The following IGF2BP3 variants were observed in gnomAD, a reference collection of about 807,000 sequenced individuals.
IGF2BP3 encodes insulin like growth factor 2 mRNA binding protein 3.
Under a neutral mutation model 73.8 loss-of-function variants are expected in IGF2BP3, and 9 were observed. The ratio of observed to expected loss-of-function variants is 0.12; its 90% CI spans 0.07 to 0.21. The LOEUF (loss-of-function observed/expected upper bound fraction) is 0.21, where lower values mean the gene tolerates loss of function less well. Ranked by LOEUF, IGF2BP3 falls within the 10% of genes least tolerant of loss-of-function variation. The probability of loss-of-function intolerance (pLI) is 1.00; values close to 1 mark genes in which losing one functional copy is unlikely to be tolerated. For missense variants in IGF2BP3, 542 were observed against 714.0 expected, an observed-to-expected ratio of 0.76 and a Z score of 2.75; for synonymous variants, 258 against 256.7, an observed-to-expected ratio of 1.01 and a Z score of -0.05.
rs527357298 is a variant in IGF2BP3, at chr7:23,445,602, T to C, written c.236+22880A>G. 9.2e-5 allele frequency among the ~76,000 whole-genome samples: 14 copies of C among 152,320 alleles called. 1 individual carries two copies. In the South Asian group the frequency reaches 2.9e-3, roughly 32 times the overall value. ...ATTAGATTTGTTTCGGTATGTACAT[T>C]ATTCATCAAGAGACCTAAGAATAAA... On this transcript the variant is annotated intron_variant, in intron 2 of 14. Coordinates refer to ENST00000258729, the MANE Select transcript of IGF2BP3 (RefSeq NM_006547.3).
chr7:23,319,355 A>G, intron 10 of IGF2BP3, 101 bp from the exon 11 acceptor site: 1 of 720,792 alleles, frequency 1.4e-6, no homozygotes, highest in Non-Finnish European at 2.4e-6. Flanking sequence ...CAGTAGGAAT[A>G]CCAGGAAAGT....
Position 23,469,161 on chromosome 7 carries a change from G to A in IGF2BP3, c.176-619C>T, listed in dbSNP as rs1043188988. ...AAGCCGAAAGGCACGGGGCTCCCAT[G>A]GGGACCCCAACGCAGCCTTCCCCCT... On this transcript the variant is annotated intron_variant, in intron 1 of 14. Coordinates refer to ENST00000258729, the MANE Select transcript of IGF2BP3 (RefSeq NM_006547.3). The surrounding 1 kb of genome is among the most constrained non-coding windows in gnomAD (Gnocchi z 6.1). 1 of 153,984 alleles carries A rather than the reference G, an allele frequency of 6.5e-6. No homozygotes were observed. The highest frequency in any genetic ancestry group is 2.4e-5 in the African/African-American group (1 of 41,470). The allele number at this position is 153,984 out of a possible 1,614,324, so 9.5% of individuals were successfully genotyped here.
chr7:23,333,583 G>A (rs1784494504), intron 10 of IGF2BP3, among the ~76,000 whole-genome samples: 1 of 152,204 alleles, frequency 6.6e-6, no homozygotes, highest in Non-Finnish European at 1.5e-5. Flanking sequence ...AAAAGGAATA[G>A]TGGCCAGTAG....
chr7:23,402,571 C>T (rs1026623671), intron 3 of IGF2BP3: 1 of 151,996 alleles, frequency 6.6e-6, no homozygotes, highest in Non-Finnish European at 1.5e-5. Flanking sequence ...AGGAACATAC[C>T]GTCATTTTGG....
intron 2 of IGF2BP3, among the ~76,000 whole-genome samples, chr7:23,467,474 C>A (rs899277718): frequency 6.6e-6 from 1 of 152,188 alleles, no homozygotes; most frequent in African/African-American, 2.4e-5. Context: ...AACCCTAACC[C>A]CACCATGCAA....
At chr7:23,385,443 T>C (rs1786052045) in intron 3 of IGF2BP3, among the ~76,000 whole-genome samples, 1 of 152,272 alleles carries the variant, frequency 6.6e-6, no homozygotes, top group East Asian at 1.9e-4. Context: ...GTATGAGACA[T>C]AGCCTGGACA....
intron 3 of IGF2BP3, chr7:23,402,407 C>T (rs944707276): frequency 6.6e-6 from 1 of 152,148 alleles, no homozygotes; most frequent in African/African-American, 2.4e-5. Context: ...AAAGAGACTG[C>T]TGATGGTAAA....
intron 3 of IGF2BP3, chr7:23,396,470 C>T (rs1010413425): frequency 1.1e-5 from 2 of 184,236 alleles, no homozygotes; most frequent in Non-Finnish European, 2.4e-5. Context: ...CCCAAAATAG[C>T]TGGAATTACT....
At chr7:23,464,381 T>A (rs2128552287) in intron 2 of IGF2BP3, among the ~76,000 whole-genome samples, 1 of 152,370 alleles carries the variant, frequency 6.6e-6, no homozygotes, top group Middle Eastern at 3.4e-3. Flanking sequence ...ACATAAAATT[T>A]ACCATCTTAA....
At chr7:23,337,115 C>G (rs555982884) in intron 10 of IGF2BP3, among the ~76,000 whole-genome samples, 59 of 152,272 alleles carry the variant, frequency 3.9e-4, no homozygotes, top group African/African-American at 1.1e-3. Context: ...AGAACAAAGT[C>G]TAAAAATAGT....
chr7:23,380,157 CTTTTTT>C (rs10571084), intron 3 of IGF2BP3, among the ~76,000 whole-genome samples: 5 of 71,800 alleles, frequency 7.0e-5, no homozygotes, highest in Non-Finnish European at 7.6e-5. Context: ...CACTATGCCT[CTTTTTT>C]TTTTTTTTTT....
intron 2 of IGF2BP3, among the ~76,000 whole-genome samples, chr7:23,460,093 C>A (rs925198644): frequency 8.0e-6 from 1 of 125,572 alleles, no homozygotes; most frequent in Non-Finnish European, 1.7e-5. Flanking sequence ...ATTAGCCAGA[C>A]GAGGAGGCAT....
chr7:23,403,759 A>G (rs1786741155), intron 3 of IGF2BP3, among the ~76,000 whole-genome samples: 1 of 152,182 alleles, frequency 6.6e-6, no homozygotes, highest in Non-Finnish European at 1.5e-5. Flanking sequence ...GTTTTTAAAA[A>G]TAAGAATAGC....
At chr7:23,437,181 GTAT>G (rs1386584086) in intron 2 of IGF2BP3, among the ~76,000 whole-genome samples, 2 of 151,512 alleles carry the variant, frequency 1.3e-5, no homozygotes, top group East Asian at 3.9e-4. Flanking sequence ...ATAACTTAAT[GTAT>G]ATTAATAAAA....
At chr7:23,343,926 C>T (rs369665991) in intron 8 of IGF2BP3, 73 bp from the exon 9 acceptor site, 13 of 1,503,502 alleles carry the variant, frequency 8.6e-6, no homozygotes, top group East Asian at 2.3e-5. Flanking sequence ...CAGCCACAGA[C>T]GGCAATTAAA....
intron 12 of IGF2BP3, among the ~76,000 whole-genome samples, chr7:23,313,964 G>A (rs377133106): frequency 7.2e-5 from 11 of 152,172 alleles, no homozygotes; most frequent in Non-Finnish European, 8.8e-5. Flanking sequence ...ATGGCCATTC[G>A]TACTAAAATT....
chr7:23,412,842 CTTTTTTTTTTTTTTTT>C (rs557467066), intron 3 of IGF2BP3, among the ~76,000 whole-genome samples: 69 of 37,016 alleles, frequency 1.9e-3, no homozygotes, highest in Admixed American at 6.8e-3. Context: ...AGACTCTGGC[CTTTTTTTTTTTTTTTT>C]TTTTTTTTTT....
chr7:23,460,611 A>C (rs1339332966), intron 2 of IGF2BP3, among the ~76,000 whole-genome samples: 2 of 152,008 alleles, frequency 1.3e-5, no homozygotes, highest in Non-Finnish European at 2.9e-5. Flanking sequence ...TACTGAGGAG[A>C]TTCTTCCATC....
intron 10 of IGF2BP3, 122 bp from the exon 11 acceptor site, chr7:23,319,376 G>C (rs1391896696): frequency 1.5e-6 from 1 of 658,016 alleles, no homozygotes; most frequent in African/African-American, 1.8e-5. Flanking sequence ...TTAAGGAAAA[G>C]CTACCATAAG....
Sources: allele counts gnomAD v4.1 joint callset (sites outside exome capture counted in the v4.1 genomes callset), GRCh38; gene constraint gnomAD v4.1.1; non-coding constraint Gnocchi (gnomAD v3.1); transcripts MANE v1.5; gene names NCBI Gene and HGNC (gene_info 2026-07-23, HGNC 2026-07-21).